PHF20: variants seen among roughly 807,000 people sequenced by gnomAD.
The protein encoded by PHF20 is PHD finger protein 20.
PHF20 carries 23 observed loss-of-function variants against 113.5 expected under a neutral mutation model. That is an observed-to-expected ratio of 0.20 (90% CI 0.15 to 0.29). PHF20 has a LOEUF of 0.29. Ranked by LOEUF, PHF20 falls within the 10% of genes least tolerant of loss-of-function variation. The pLI is 1.00. For missense variants in PHF20, 943 were observed against 1,219.6 expected (o/e 0.77, Z 3.38); for synonymous variants, 434 against 457.3 (o/e 0.95, Z 0.65).
rs572530473 is a variant in PHF20 at position 35,908,748 on chromosome 20, C to T, written c.1562-4501C>T. On this transcript the variant is annotated intron_variant, in intron 10 of 17. Transcript: ENST00000374012. ...TTCTGCTGCTAGCCTCCATCTGCTTCTTTCCCTTACTCAACCTAATTCTAA... is the reference window on the plus strand; with the variant it reads ...TTCTGCTGCTAGCCTCCATCTGCTTTTTTCCCTTACTCAACCTAATTCTAA... Among the ~76,000 whole-genome samples the T allele has an allele frequency of 5.3e-5, 8 of 152,324 alleles. No homozygotes were observed. In the South Asian group the frequency reaches 1.7e-3, roughly 32 times the overall value.
At chr20:35,940,814 G>A (rs758001079) in intron 16 of PHF20, 50 bp from the exon 17 acceptor site, 2 of 1,475,620 alleles carry the variant, frequency 1.4e-6, no homozygotes, top group South Asian at 2.5e-5. Context: ...GTTGAAAAAT[G>A]GGCCAGGGGC....
intron 4 of PHF20, among the ~76,000 whole-genome samples, chr20:35,850,193 G>T (rs1273360991): frequency 1.1e-4 from 17 of 150,672 alleles, no homozygotes; most frequent in African/African-American, 3.9e-4. Context: ...TGTTACAAAA[G>T]ACAGTAAAAG....
At chr20:35,894,968 C>T (rs1418903719) in intron 9 of PHF20, among the ~76,000 whole-genome samples, 4 of 152,176 alleles carry the variant, frequency 2.6e-5, no homozygotes, top group African/African-American at 9.6e-5. Flanking sequence ...GATTCTCCTG[C>T]CTCGGCCTCC....
At chr20:35,825,926 A>G (rs969945327) in intron 2 of PHF20, among the ~76,000 whole-genome samples, 26 of 152,214 alleles carry the variant, frequency 1.7e-4, no homozygotes, top group Admixed American at 1.2e-3. Flanking sequence ...ATACACTTCT[A>G]TAGCCACCAC....
chr20:35,782,988 G>A (rs2041332071), intron 1 of PHF20, among the ~76,000 whole-genome samples: 1 of 152,112 alleles, frequency 6.6e-6, no homozygotes, highest in Non-Finnish European at 1.5e-5. Context: ...GAAGCCAGGA[G>A]TTTGAGACCA....
intron 1 of PHF20, among the ~76,000 whole-genome samples, chr20:35,773,981 A>T (rs1489377247): frequency 6.6e-6 from 1 of 151,898 alleles, no homozygotes; most frequent in Non-Finnish European, 1.5e-5. Flanking sequence ...TATGAAGAAA[A>T]GATGTCGTTT....
At position 35,801,231 on chromosome 20, in the gene PHF20, GA is replaced by G. The variant is rs374676919; in HGVS notation, c.-32-259del. 2.0e-5 allele frequency among the ~76,000 whole-genome samples: 3 copies of G among 152,258 alleles called. No individual in the cohort carries two copies. The East Asian group carries it at 5.8e-4, about 29-fold the overall frequency. ...AAAGCAGTTGTTTTTTTGTAGTTCT[GA>G]GGGGTGGCCCTTGGCCCTTGTAGGT... On this transcript the variant is annotated intron_variant, in intron 1 of 17. Transcript: ENST00000374012.
In PHF20 at chr20:35,814,043, AAAAT is replaced by A. The variant is rs1000855956; in HGVS notation, c.83+12458_83+12461del. Among the ~76,000 whole-genome samples the A allele has an allele frequency of 5.3e-5, 8 of 151,798 alleles. No individual in the cohort carries two copies. The South Asian group carries it at 6.2e-4, about 12-fold the overall frequency. On this transcript the variant is annotated intron_variant, in intron 2 of 17. Transcript: ENST00000374012. ...TAAGAATAAGACTCTATCTCTAAAT[AAAAT>A]AAATAAATAAATAAATAAAATAAAA...
At chr20:35,809,980 AG>A (rs1240907640) in intron 2 of PHF20, among the ~76,000 whole-genome samples, 1 of 151,944 alleles carries the variant, frequency 6.6e-6, no homozygotes, top group Non-Finnish European at 1.5e-5. Context: ...CCTAGGCTGG[AG>A]TGCAGTGGCG....
At chr20:35,843,826 C>T (rs1299777987) in intron 3 of PHF20, among the ~76,000 whole-genome samples, 2 of 152,098 alleles carry the variant, frequency 1.3e-5, no homozygotes, top group African/African-American at 4.8e-5. Flanking sequence ...GATCCTCCCG[C>T]CTTGGTCTCC....
chr20:35,780,796 C>T (rs113527845), intron 1 of PHF20, among the ~76,000 whole-genome samples: 6,991 of 151,162 alleles, frequency 0.046, 201 homozygotes, highest in African/African-American at 0.086. Context: ...GATCCACCAG[C>T]CTTGGCCTCC....
At chr20:35,836,628 A>G (rs1483834565) in intron 2 of PHF20, among the ~76,000 whole-genome samples, 1 of 151,578 alleles carries the variant, frequency 6.6e-6, no homozygotes, top group Non-Finnish European at 1.5e-5. Context: ...GCGGATCACG[A>G]GGTCAGGAGA....
At chr20:35,817,333 CCT>C in intron 2 of PHF20, among the ~76,000 whole-genome samples, 1 of 152,092 alleles carries the variant, frequency 6.6e-6, no homozygotes, top group South Asian at 2.1e-4. Context: ...ATTACGGGCC[CCT>C]GCCACGGCGC....
At chr20:35,828,250 C>T (rs937668736) in intron 2 of PHF20, among the ~76,000 whole-genome samples, 17 of 152,112 alleles carry the variant, frequency 1.1e-4, no homozygotes, top group Non-Finnish European at 2.4e-4. Context: ...TCTCGAACTC[C>T]AGGCTTCAGG....
intron 1 of PHF20, among the ~76,000 whole-genome samples, chr20:35,779,520 T>C (rs2041242449): frequency 3.2e-5 from 1 of 31,644 alleles, no homozygotes; most frequent in Non-Finnish European, 6.3e-5. Context: ...GACATTCCTT[T>C]CTTTCTTTTT....
intron 4 of PHF20, chr20:35,851,030 A>T (rs1022607291): frequency 3.6e-5 from 13 of 361,474 alleles, no homozygotes; most frequent in Non-Finnish European, 6.8e-5. Context: ...CTGACCTCAA[A>T]TGATCCACCC....
intron 4 of PHF20, among the ~76,000 whole-genome samples, chr20:35,856,042 G>C (rs1021359888): frequency 4.6e-5 from 7 of 151,948 alleles, no homozygotes; most frequent in Non-Finnish European, 8.8e-5. Context: ...GCAAATACTA[G>C]ATCTTACTCA....
intron 9 of PHF20, among the ~76,000 whole-genome samples, chr20:35,886,594 T>C (rs1365100119): frequency 1.3e-5 from 2 of 152,208 alleles, no homozygotes; most frequent in Non-Finnish European, 2.9e-5. Flanking sequence ...GTGTTGGGCC[T>C]TGGTCCTGAG....
rs533689434 is a variant in PHF20 at position 35,857,105 on chromosome 20, G to T, written c.341-1197G>T. The stretch of plus-strand genomic sequence containing the variant: ...TTTTTTGCAGGGGGTGGGGGAATTG[G>T]TTCTAAAAAGAGAAAAACCTGTTTA... On this transcript the variant is annotated intron_variant, in intron 4 of 17. Transcript: ENST00000374012. 3.3e-5 allele frequency among the ~76,000 whole-genome samples: 5 copies of T among 152,196 alleles called. No individual in the cohort carries two copies. The South Asian group carries it at 8.3e-4, about 25-fold the overall frequency.
Sources: allele counts gnomAD v4.1 joint callset (sites outside exome capture counted in the v4.1 genomes callset), GRCh38; gene constraint gnomAD v4.1.1; transcripts MANE v1.5; gene names NCBI Gene and HGNC (gene_info 2026-07-23, HGNC 2026-07-21).